MCTP2: variants seen among roughly 807,000 people sequenced by gnomAD.
MCTP2 encodes multiple C2 and transmembrane domain containing 2.
Under a neutral mutation model 111.6 loss-of-function variants are expected in MCTP2, and 132 were observed. The ratio of observed to expected loss-of-function variants is 1.18; its 90% confidence interval spans 1.03 to 1.37. The LOEUF (loss-of-function observed/expected upper bound fraction) is 1.37. Among genes scored for constraint, MCTP2 ranks in the 40% most tolerant of loss-of-function variants. The pLI, the probability that MCTP2 is intolerant of heterozygous loss-of-function variation, is 0.00. For missense variants in MCTP2, 1,183 were observed against 1,067.9 expected (o/e 1.11, Z -1.50); for synonymous variants, 395 against 387.7 (o/e 1.02, Z -0.22).
chr15:94,458,157 G>C lies in MCTP2; in HGVS notation c.2271G>C (p.Leu757Phe). The change falls in exon 20 of 23, where the codon TTG becomes TTC. Residue 757 changes from leucine (L) to phenylalanine (F), a missense_variant. Leu to Phe is a conservative substitution (Grantham distance 22, BLOSUM62 0). Transcript: ENST00000357742. ...TCTAGGAATCTGAGAAAAAGGGGTT[G>C]ATTGAAAGAATCTATATGGTACAGG... ...EDDKESEKKG[L>F]IERIYMVQDI... 6.2e-7 allele frequency: 1 copy of C among 1,608,440 alleles called. No homozygotes were observed. Among genetic ancestry groups the C allele is most frequent in the South Asian group, 1.1e-5 (1 of 90,808 alleles).
rs186039734 is a variant in MCTP2, at chr15:94,402,717, T to A, written c.2085+698T>A. 9.0e-6 allele frequency: 13 copies of A among 1,443,496 alleles called. No homozygotes were observed. The Admixed American group carries it at 1.9e-4, about 22-fold the overall frequency. 89.4% of individuals were successfully genotyped at this position (1,443,496 alleles called of 1,614,324 possible). Reference sequence around the variant, plus strand: ...TCTCATTTGTAAAGGGACTTGTCCTTGATCAAATTGGTAATGTCAGCCATG... The same window carrying A: ...TCTCATTTGTAAAGGGACTTGTCCTAGATCAAATTGGTAATGTCAGCCATG... On this transcript the variant is annotated intron_variant, in intron 17 of 22. Transcript: ENST00000357742.
At chr15:94,327,885 G>C (rs1453792929) in intron 4 of MCTP2, among the ~76,000 whole-genome samples, 3 of 152,154 alleles carry the variant, frequency 2.0e-5, no homozygotes, top group Non-Finnish European at 1.5e-5. Flanking sequence ...CTTGTGGATT[G>C]ATCAGAATGT....
intron 1 of MCTP2, among the ~76,000 whole-genome samples, chr15:94,235,476 A>T (rs1010149591): frequency 4.6e-5 from 7 of 152,180 alleles, no homozygotes; most frequent in African/African-American, 1.7e-4. Context: ...CACTGGTCTT[A>T]ATATTTAAGA....
intron 1 of MCTP2, among the ~76,000 whole-genome samples, chr15:94,278,606 G>A (rs2074327581): frequency 6.6e-6 from 1 of 152,062 alleles, no homozygotes; most frequent in Non-Finnish European, 1.5e-5. Context: ...TAGTTTCAGG[G>A]AGGTACATGT....
In MCTP2 at chr15:94,401,983, G is replaced by GC; in HGVS notation, c.2049_2050insC (p.Trp684LeufsTer22). The GC allele has an allele frequency of 6.2e-7, 1 of 1,613,620 alleles. No individual in the cohort carries two copies. The highest frequency in any genetic ancestry group is 8.5e-7 in the Non-Finnish European group (1 of 1,179,690). ...TGCAGTTCCTTAAAAGCTGCTTCCA[G>GC]TGGGAATCCACATTAAGAAGTACAA... On this transcript the variant is annotated frameshift_variant, in exon 17 of 23. Coordinates refer to ENST00000357742, the MANE Select transcript of MCTP2 (RefSeq NM_001385001.1). LOFTEE classifies it high-confidence loss of function.
At chr15:94,261,055 A>C (rs2073150140) in intron 1 of MCTP2, among the ~76,000 whole-genome samples, 1 of 152,018 alleles carries the variant, frequency 6.6e-6, no homozygotes, top group Non-Finnish European at 1.5e-5. Context: ...TCTTTTACCA[A>C]TTGCCAGTCA....
intron 2 of MCTP2, among the ~76,000 whole-genome samples, chr15:94,313,528 C>T (rs1449868538): frequency 6.6e-6 from 1 of 152,014 alleles, no homozygotes; most frequent in Non-Finnish European, 1.5e-5. Context: ...TGGTGAAACC[C>T]TATCTCTACT....
rs568102928 is a variant in MCTP2, at chr15:94,244,714, C to T, written c.-66+13050C>T. ...TATATGTATACACATACATATGCAC[C>T]TATGTTTATATTCGTATATGTATAC... On this transcript the variant is annotated intron_variant, in intron 1 of 22. Coordinates refer to ENST00000357742, the MANE Select transcript of MCTP2 (RefSeq NM_001385001.1). Among the ~76,000 whole-genome samples the T allele has an allele frequency of 5.5e-4, 81 of 147,776 alleles. 3 individuals are homozygous for T. Among genetic ancestry groups the T allele is most frequent in the African/African-American group, 2.0e-3 (81 of 39,642 alleles).
At chr15:94,243,209 A>ACGTATG (rs2071197380) in intron 1 of MCTP2, among the ~76,000 whole-genome samples, 1 of 148,432 alleles carries the variant, frequency 6.7e-6, no homozygotes, top group African/African-American at 2.5e-5. Context: ...ATGCGTATAT[A>ACGTATG]CGTATATACA....
chr15:94,379,659 C>T (rs906725607), intron 12 of MCTP2, among the ~76,000 whole-genome samples: 13 of 149,704 alleles, frequency 8.7e-5, no homozygotes, highest in South Asian at 2.1e-4. Context: ...ACCTGATTAT[C>T]GCTATTTGCC....
At chr15:94,306,684 T>G (rs2075895097) in intron 2 of MCTP2, among the ~76,000 whole-genome samples, 1 of 152,242 alleles carries the variant, frequency 6.6e-6, no homozygotes, top group East Asian at 1.9e-4. Context: ...CATTCCCCCT[T>G]TCCCATAATC....
At chr15:94,365,308 G>A (rs2079127780) in intron 10 of MCTP2, among the ~76,000 whole-genome samples, 1 of 152,156 alleles carries the variant, frequency 6.6e-6, no homozygotes, top group African/African-American at 2.4e-5. Flanking sequence ...GTTGCTCAAA[G>A]GACTCTAATA....
intron 8 of MCTP2, 67 bp downstream of exon 8, chr15:94,345,231 G>T: frequency 2.1e-6 from 3 of 1,430,492 alleles, no homozygotes; most frequent in South Asian, 1.2e-5. Flanking sequence ...AAACAAAAAT[G>T]ACTGCATGAT....
At chr15:94,363,672 G>A (rs1432916048) in intron 10 of MCTP2, among the ~76,000 whole-genome samples, 3 of 152,174 alleles carry the variant, frequency 2.0e-5, no homozygotes, top group Non-Finnish European at 1.5e-5. Flanking sequence ...TAACACAGCA[G>A]TGACTTGGCT....
At chr15:94,245,106 TTATA>T (rs933320645) in intron 1 of MCTP2, among the ~76,000 whole-genome samples, 50 of 149,616 alleles carry the variant, frequency 3.3e-4, no homozygotes, top group African/African-American at 1.1e-3. Context: ...GTACCTATGT[TTATA>T]TATGTATATG....
At chr15:94,236,393 T>TC (rs2070563307) in intron 1 of MCTP2, among the ~76,000 whole-genome samples, 1 of 141,642 alleles carries the variant, frequency 7.1e-6, no homozygotes, top group Non-Finnish European at 1.5e-5. Context: ...TTTTTTTTTT[T>TC]TTTTTTTTTT....
intron 1 of MCTP2, among the ~76,000 whole-genome samples, chr15:94,288,845 A>G (rs928283063): frequency 1.3e-5 from 2 of 152,196 alleles, no homozygotes; most frequent in Admixed American, 6.5e-5. Flanking sequence ...TGAAAAATAC[A>G]ATAGCTGCCT....
chr15:94,263,596 C>T (rs1596215847), intron 1 of MCTP2, among the ~76,000 whole-genome samples: 1 of 152,194 alleles, frequency 6.6e-6, no homozygotes, highest in Non-Finnish European at 1.5e-5. Flanking sequence ...GAACACCAGA[C>T]AACACTACAG....
At chr15:94,286,533 A>G (rs920779991) in intron 1 of MCTP2, among the ~76,000 whole-genome samples, 6 of 152,012 alleles carry the variant, frequency 3.9e-5, no homozygotes, top group Non-Finnish European at 8.8e-5. Context: ...TGTCCCATTT[A>G]TATTAAAAAA....
Sources: gnomAD v4.1 joint callset for allele counts (sites outside exome capture counted in the v4.1 genomes callset) on GRCh38, gnomAD v4.1.1 for gene constraint, MANE v1.5 for transcripts, NCBI Gene and HGNC (gene_info 2026-07-23, HGNC 2026-07-21) for gene names.